Variants in SPATA13 observed in about 807,000 individuals in gnomAD.
The protein encoded by SPATA13 is spermatogenesis associated 13.
SPATA13 carries 50 observed loss-of-function variants against 104.0 expected under a neutral mutation model. The ratio of observed to expected loss-of-function variants is 0.48; its 90% CI spans 0.38 to 0.61. The LOEUF (loss-of-function observed/expected upper bound fraction) is 0.61. Among genes scored for constraint, SPATA13 ranks in the 20% least tolerant of loss-of-function variants. SPATA13 has a pLI of 0.00. For synonymous variants in SPATA13, 606 were observed against 667.5 expected (o/e 0.91, Z 1.42); for missense variants, 1,524 against 1,690.6 (o/e 0.90, Z 1.73).
chr13:24,000,528 A>G (rs1875908473), intron 2 of SPATA13, among the ~76,000 whole-genome samples: 1 of 152,170 alleles, frequency 6.6e-6, no homozygotes, highest in Non-Finnish European at 1.5e-5. Context: ...TCTAGGGGGA[A>G]GACAGGCCAC....
intron 3 of SPATA13, among the ~76,000 whole-genome samples, chr13:24,107,815 C>G (rs1389739593): frequency 6.6e-6 from 1 of 152,208 alleles, no homozygotes; most frequent in African/African-American, 2.4e-5. Context: ...AAGATGTGTA[C>G]TGCTCTATCG....
At chr13:24,298,190 T>A (rs1346029769) in intron 11 of SPATA13, among the ~76,000 whole-genome samples, 1 of 152,116 alleles carries the variant, frequency 6.6e-6, no homozygotes, top group Non-Finnish European at 1.5e-5. Flanking sequence ...GGAACCCCAC[T>A]ATGGTGACCA....
chr13:24,059,770 G>A (rs186880829), intron 3 of SPATA13, among the ~76,000 whole-genome samples: 44 of 152,116 alleles, frequency 2.9e-4, no homozygotes, highest in Admixed American at 1.0e-3. Flanking sequence ...GCGTTTCCTG[G>A]ATAAGATCAT....
rs1429306190 is a variant in SPATA13 at position 24,224,072 on chromosome 13, T to C, written c.1143T>C (p.His381=). Residue 381 remains histidine, a synonymous_variant, in exon 2 of 13, where the codon CAT becomes CAC. Coordinates refer to ENST00000382108, the MANE Select transcript of SPATA13 (RefSeq NM_001166271.3). The part of the protein sequence containing the change: ...QDSRRGGAVM[H]GTTATCTVAP... Reference sequence around the variant, plus strand: ...GCAGGCGGGGCGGGGCGGTCATGCATGGGACCACTGCAACCTGCACCGTGG... The same window carrying C: ...GCAGGCGGGGCGGGGCGGTCATGCACGGGACCACTGCAACCTGCACCGTGG... 6.4e-7 allele frequency: 1 copy of C among 1,550,532 alleles called. No individual in the cohort carries two copies. Among genetic ancestry groups the C allele is most frequent in the East Asian group, 2.4e-5 (1 of 40,894 alleles).
chr13:24,157,735 T>C (rs1416482168), upstream of SPATA13, among the ~76,000 whole-genome samples: 2 of 152,134 alleles, frequency 1.3e-5, no homozygotes, highest in African/African-American at 4.8e-5. Context: ...AAACCCCTGC[T>C]GAATGGAACT....
chr13:24,084,179 C>T (rs574688856), intron 3 of SPATA13, among the ~76,000 whole-genome samples: 9 of 152,164 alleles, frequency 5.9e-5, no homozygotes, highest in South Asian at 4.2e-4. Context: ...ACAAGCGAGA[C>T]GAGAGAAGAA....
rs576716406 is a variant in SPATA13 at position 24,046,500 on chromosome 13, G to C, written c.-112+28799G>C. 7.0e-5 allele frequency among the ~76,000 whole-genome samples: 8 copies of C among 113,844 alleles called. No homozygotes were observed. The South Asian group carries it at 9.7e-4, about 14-fold the overall frequency. 74.7% of individuals were successfully genotyped at this position (113,844 alleles called of 152,430 possible). On this transcript the variant is annotated intron_variant, in intron 3 of 14. Coordinates refer to the SPATA13 transcript ENST00000424834. The stretch of plus-strand genomic sequence containing the variant: ...GAGTCTTGCTATGTTGCCCAGGCTA[G>C]TGTCTTGCCTGTTTTTGTGCTTTAC...
intron 12 of SPATA13, among the ~76,000 whole-genome samples, chr13:24,300,943 G>A (rs1566204697): frequency 6.6e-6 from 1 of 152,164 alleles, no homozygotes; most frequent in Non-Finnish European, 1.5e-5. Context: ...GGTACATCAG[G>A]CAAGGAGTTA....
intron 3 of SPATA13, among the ~76,000 whole-genome samples, chr13:24,022,071 T>G (rs952412924): frequency 6.8e-6 from 1 of 147,742 alleles, no homozygotes; most frequent in Non-Finnish European, 1.5e-5. Flanking sequence ...TTTTTTCAAA[T>G]GGAGTCTTGC....
At chr13:24,020,461 A>T (rs577049166) in intron 3 of SPATA13, among the ~76,000 whole-genome samples, 2 of 152,212 alleles carry the variant, frequency 1.3e-5, no homozygotes, top group African/African-American at 4.8e-5. Flanking sequence ...AATCCATTTG[A>T]GTTGGAAACC....
rs190370888 is a variant in SPATA13 at position 24,137,690 on chromosome 13, C to T, written c.-111-85129C>T. ...AGGAAAACTGCTTGAGCCTGGGGGG[C>T]GGAGGTTGCAGTGAGCCAAGATCAT... On this transcript the variant is annotated intron_variant, in intron 3 of 14. Transcript: ENST00000424834. 3.9e-3 allele frequency among the ~76,000 whole-genome samples: 597 copies of T among 152,166 alleles called. 6 individuals are homozygous for T. The highest frequency in any genetic ancestry group is 0.014 in the African/African-American group (575 of 41,526).
At chr13:24,048,777 A>C (rs550291886) in intron 3 of SPATA13, among the ~76,000 whole-genome samples, 3 of 152,338 alleles carry the variant, frequency 2.0e-5, no homozygotes, top group Non-Finnish European at 4.4e-5. Flanking sequence ...AGGAGAAGTC[A>C]AGGCTGAAAT....
intron 3 of SPATA13, among the ~76,000 whole-genome samples, chr13:24,150,791 T>C (rs1882078162): frequency 6.6e-6 from 1 of 152,124 alleles, no homozygotes; most frequent in Non-Finnish European, 1.5e-5. Flanking sequence ...TGTCCCCTGA[T>C]TGGACAAGGC....
intron 3 of SPATA13, among the ~76,000 whole-genome samples, chr13:24,108,947 C>T (rs1438750607): frequency 1.3e-5 from 2 of 152,022 alleles, no homozygotes; most frequent in East Asian, 3.9e-4. Context: ...CACTCCAGCT[C>T]TCTCTTTTAT....
chr13:24,295,955 C>T (rs1204932487), intron 10 of SPATA13, among the ~76,000 whole-genome samples: 2 of 152,256 alleles, frequency 1.3e-5, no homozygotes, highest in East Asian at 3.9e-4. Flanking sequence ...GCTTCAAAGT[C>T]CGTGCTGGTG....
At chr13:24,133,082 A>G (rs780893513) in intron 3 of SPATA13, among the ~76,000 whole-genome samples, 4 of 152,190 alleles carry the variant, frequency 2.6e-5, no homozygotes, top group Admixed American at 2.0e-4. Context: ...AACATTAGCA[A>G]TGGATTCCCA....
intron 3 of SPATA13, among the ~76,000 whole-genome samples, chr13:24,140,131 T>C (rs1881713079): frequency 6.6e-6 from 1 of 151,540 alleles, no homozygotes; most frequent in African/African-American, 2.4e-5. Context: ...CTCCTGCCAA[T>C]GCTAATAACC....
At chr13:24,267,029 G>C (rs1460296101) in intron 4 of SPATA13, among the ~76,000 whole-genome samples, 1 of 151,972 alleles carries the variant, frequency 6.6e-6, no homozygotes, top group Admixed American at 6.5e-5. Context: ...GGTAAATGTA[G>C]GCTCTGATCA....
chr13:24,137,516 T>C (rs1168731177), intron 3 of SPATA13, among the ~76,000 whole-genome samples: 1 of 152,200 alleles, frequency 6.6e-6, no homozygotes, highest in Non-Finnish European at 1.5e-5. Flanking sequence ...ATCCAGCACT[T>C]TGGGAGGCTG....
Sources: allele counts gnomAD v4.1 joint callset (sites outside exome capture counted in the v4.1 genomes callset), GRCh38; gene constraint gnomAD v4.1.1; transcripts MANE v1.5; gene names NCBI Gene and HGNC (gene_info 2026-07-23, HGNC 2026-07-21).